AKR1E2: variants seen among roughly 807,000 people sequenced by gnomAD.
The protein encoded by AKR1E2 is 1,5-anhydro-D-fructose reductase.
AKR1E2 carries 43 observed loss-of-function variants against 41.9 expected under a neutral mutation model. That is an observed-to-expected ratio of 1.03 (90% CI 0.80 to 1.32). The LOEUF is 1.32. AKR1E2 is among the 40% of genes most tolerant of loss of function. The probability of loss-of-function intolerance (pLI) is 0.00; values close to 1 mark genes in which losing one functional copy is unlikely to be tolerated. For missense variants in AKR1E2, 423 were observed against 396.5 expected, an observed-to-expected ratio of 1.07 and a Z score of -0.57; for synonymous variants, 121 against 138.9, an observed-to-expected ratio of 0.87 and a Z score of 0.91.
intron 4 of AKR1E2, among the ~76,000 whole-genome samples, chr10:4,836,979 A>T (rs1833477795): frequency 6.6e-6 from 1 of 152,144 alleles, no homozygotes; most frequent in African/African-American, 2.4e-5. Context: ...TTAAAATAGT[A>T]AGTGGAGAAG....
At chr10:4,847,050 G>T in intron 8 of AKR1E2, 98 bp from the exon 9 acceptor site, 1 of 1,293,778 alleles carries the variant, frequency 7.7e-7, no homozygotes, top group Non-Finnish European at 1.1e-6. Flanking sequence ...ACATCTTTGT[G>T]TCCCTTGCAG....
At chr10:4,838,950 G>A (rs1002283431) in intron 5 of AKR1E2, among the ~76,000 whole-genome samples, 16 of 152,180 alleles carry the variant, frequency 1.1e-4, no homozygotes, top group African/African-American at 3.9e-4. Flanking sequence ...GGCTCCAGAA[G>A]GGCTGGCCTC....
chr10:4,828,720 A>G (rs1224974597), intron 1 of AKR1E2, among the ~76,000 whole-genome samples: 1 of 152,146 alleles, frequency 6.6e-6, no homozygotes, highest in East Asian at 1.9e-4. Context: ...CTGTTAATAA[A>G]TTGTCCTGAA....
the AKR1E2 span, among the ~76,000 whole-genome samples, chr10:4,867,332 T>C: frequency 6.6e-6 from 1 of 152,196 alleles, no homozygotes; most frequent in African/African-American, 2.4e-5. Flanking sequence ...GTGTTCACTG[T>C]TGTACAATTT....
intron 5 of AKR1E2, 60 bp downstream of exon 5, chr10:4,837,641 T>C: frequency 1.3e-6 from 2 of 1,577,526 alleles, no homozygotes; most frequent in African/African-American, 1.3e-5. Context: ...AGCTGCCACC[T>C]CCACAGGGCT....
chr10:4,860,386 G>C, the AKR1E2 span, among the ~76,000 whole-genome samples: 1 of 152,174 alleles, frequency 6.6e-6, no homozygotes, highest in Non-Finnish European at 1.5e-5. Context: ...ATAGACAGAA[G>C]CTGAATCTAT....
At chr10:4,852,684 T>C (rs1164805408), downstream of AKR1E2, among the ~76,000 whole-genome samples, 1 of 152,176 alleles carries the variant, frequency 6.6e-6, no homozygotes, top group Non-Finnish European at 1.5e-5. Context: ...ACAACAGAGA[T>C]GGATTGGCAA....
At chr10:4,859,305 C>T in the AKR1E2 span, among the ~76,000 whole-genome samples, 1 of 152,178 alleles carries the variant, frequency 6.6e-6, no homozygotes, top group Non-Finnish European at 1.5e-5. Flanking sequence ...CAACAAATAT[C>T]AGGCACAACA....
At chr10:4,860,933 T>G in the AKR1E2 span, among the ~76,000 whole-genome samples, 2 of 152,188 alleles carry the variant, frequency 1.3e-5, no homozygotes, top group Non-Finnish European at 2.9e-5. Context: ...TCGATGCACA[T>G]AGGGGAAGTC....
rs771491080 is a variant in AKR1E2, at chr10:4,847,247, C to CT, written c.920+22dup. ...GTTCCCCATGTAAATATGGCTCCTT[C>CT]TTTTTAAAACAGAGGGAAGAATATA... On this transcript the variant is annotated intron_variant, in intron 9 of 9. Transcript: ENST00000298375. The CT allele has an allele frequency of 1.9e-6, 3 of 1,613,606 alleles. No individual in the cohort carries two copies. In the South Asian group the frequency reaches 3.3e-5, roughly 18 times the overall value.
the AKR1E2 span, among the ~76,000 whole-genome samples, chr10:4,872,182 G>GTCAT: frequency 9.8e-5 from 15 of 152,316 alleles, no homozygotes; most frequent in South Asian, 2.9e-3. Flanking sequence ...TTTGCAATAT[G>GTCAT]TCATTCTACA....
At chr10:4,868,017 A>G in the AKR1E2 span, among the ~76,000 whole-genome samples, 1 of 152,140 alleles carries the variant, frequency 6.6e-6, no homozygotes, top group Non-Finnish European at 1.5e-5. Context: ...GCTTAGTAGG[A>G]GACTGGATCG....
In AKR1E2 at chr10:4,836,764, C is replaced by T. The variant is rs561628632; in HGVS notation, c.460-695C>T. On this transcript the variant is annotated intron_variant, in intron 4 of 9. Coordinates refer to ENST00000298375, the MANE Select transcript of AKR1E2 (RefSeq NM_001040177.3). ...AAGATTTGGGTTAAACTCTAGGGTGCTCATGTAGCACCAGCGAGGTTCCGG... is the reference window on the plus strand; with the variant it reads ...AAGATTTGGGTTAAACTCTAGGGTGTTCATGTAGCACCAGCGAGGTTCCGG... Among the ~76,000 whole-genome samples, 3 of 152,312 alleles carry T rather than the reference C, an allele frequency of 2.0e-5. No homozygotes were observed. The South Asian group carries it at 6.2e-4, about 32-fold the overall frequency.
At chr10:4,844,971 G>A (rs1307176818) in intron 8 of AKR1E2, among the ~76,000 whole-genome samples, 1 of 152,190 alleles carries the variant, frequency 6.6e-6, no homozygotes, top group Non-Finnish European at 1.5e-5. Flanking sequence ...AGGGGGCGGT[G>A]CTCGTTGGGG....
chr10:4,854,994 G>A, the AKR1E2 span, among the ~76,000 whole-genome samples: 1 of 152,184 alleles, frequency 6.6e-6, no homozygotes, highest in African/African-American at 2.4e-5. Context: ...ACATGTACAG[G>A]ATCATGGGAC....
intron 4 of AKR1E2, 59 bp downstream of exon 4, chr10:4,835,868 A>T: frequency 6.3e-7 from 1 of 1,599,878 alleles, no homozygotes. Flanking sequence ...CCCAGGATGC[A>T]GTGAGCCCTG....
At chr10:4,838,786 A>G (rs748320498) in intron 5 of AKR1E2, among the ~76,000 whole-genome samples, 5 of 152,226 alleles carry the variant, frequency 3.3e-5, no homozygotes, top group African/African-American at 1.2e-4. Context: ...ATATATGTTT[A>G]TATGGATAGT....
At chr10:4,855,661 A>T in the AKR1E2 span, among the ~76,000 whole-genome samples, 1 of 152,226 alleles carries the variant, frequency 6.6e-6, no homozygotes, top group East Asian at 1.9e-4. Context: ...GCTTTAATTT[A>T]TTGGCTTAAA....
At chr10:4,841,902 G>A (rs377075678) in intron 7 of AKR1E2, 45 bp downstream of exon 7, 128 of 1,572,786 alleles carry the variant, frequency 8.1e-5, no homozygotes, top group Non-Finnish European at 9.7e-5. Context: ...TTCTCTGACC[G>A]CTCTACATCC....
Sources: allele counts gnomAD v4.1 joint callset (sites outside exome capture counted in the v4.1 genomes callset), GRCh38; gene constraint gnomAD v4.1.1; transcripts MANE v1.5; gene names NCBI Gene and HGNC (gene_info 2026-07-23, HGNC 2026-07-21).